Variants in TEK observed in about 807,000 individuals in gnomAD.
The protein encoded by TEK is TEK receptor tyrosine kinase.
A neutral mutation model predicts 131.8 loss-of-function variants in TEK; 43 were observed. The observed-to-expected ratio is 0.33, with a 90% CI of 0.26 to 0.42. TEK has a LOEUF of 0.42. Ranked by LOEUF, TEK falls within the 10% of genes least tolerant of loss-of-function variation. The pLI is 1.00. For missense variants in TEK, 1,162 were observed against 1,384.4 expected, an observed-to-expected ratio of 0.84 and a Z score of 2.55; for synonymous variants, 580 against 491.6, an observed-to-expected ratio of 1.18 and a Z score of -2.38.
chr9:27,217,082 T>G (rs186468605), intron 18 of TEK, among the ~76,000 whole-genome samples: 1 of 152,284 alleles, frequency 6.6e-6, no homozygotes, highest in East Asian at 1.9e-4. Context: ...GGACCAGGCA[T>G]CGAAAGGATC....
At chr9:27,137,985 T>C (rs1038283047) in intron 1 of TEK, among the ~76,000 whole-genome samples, 2 of 152,082 alleles carry the variant, frequency 1.3e-5, no homozygotes, top group Non-Finnish European at 2.9e-5. Flanking sequence ...GGGTTTGTGG[T>C]CTCGCTGACT....
At chr9:27,187,593 T>C (rs1301201376) in intron 9 of TEK, among the ~76,000 whole-genome samples, 1 of 152,216 alleles carries the variant, frequency 6.6e-6, no homozygotes, top group Admixed American at 6.5e-5. Context: ...CAAATTGTAG[T>C]ATATTCATAT....
chr9:27,126,458 C>T (rs1285517812), intron 1 of TEK, among the ~76,000 whole-genome samples: 1 of 152,158 alleles, frequency 6.6e-6, no homozygotes, highest in South Asian at 2.1e-4. Flanking sequence ...TGTGTTTATC[C>T]AGGGACTCTG....
At chr9:27,162,283 C>T (rs1308690524) in intron 2 of TEK, among the ~76,000 whole-genome samples, 1 of 152,200 alleles carries the variant, frequency 6.6e-6, no homozygotes, top group Admixed American at 6.5e-5. Flanking sequence ...GCTGCTGACT[C>T]GTACATCTGT....
At chr9:27,217,060 T>G (rs1235831963) in intron 18 of TEK, among the ~76,000 whole-genome samples, 1 of 152,156 alleles carries the variant, frequency 6.6e-6, no homozygotes, top group African/African-American at 2.4e-5. Flanking sequence ...GGGGAGAGCC[T>G]GGAGGCAGTC....
intron 11 of TEK, among the ~76,000 whole-genome samples, chr9:27,193,584 T>G (rs1824902571): frequency 6.6e-6 from 1 of 152,204 alleles, no homozygotes; most frequent in Non-Finnish European, 1.5e-5. Context: ...TGGAGTGATC[T>G]TTTGTAAGGT....
Position 27,209,124 on chromosome 9 carries a change from A to G in TEK, c.2579A>G (p.Tyr860Cys), listed in dbSNP as rs746347646. 4.3e-6 allele frequency: 7 copies of G among 1,610,614 alleles called. No individual in the cohort carries two copies. In the South Asian group the frequency reaches 4.4e-5, roughly 10 times the overall value. The change falls in exon 16 of 23, where the codon TAT becomes TGT. Residue 860 changes from tyrosine (Y) to cysteine (C), a missense_variant. Tyr to Cys is a radical substitution (Grantham distance 194). Around this residue, in one of 6 missense-constraint regions of TEK, gnomAD observed 57 missense variants for 100.8 expected, o/e 0.57. Transcript: ENST00000380036. ...MDAAIKRMKE[Y>C]ASKDDHRDFA... is the part of the protein sequence containing the mutation. ...CAACCCTTGACTTTCTTCCCAGAAT[A>G]TGCCTCCAAAGATGATCACAGGGAC...
intron 1 of TEK, among the ~76,000 whole-genome samples, chr9:27,128,237 C>T (rs558146194): frequency 1.1e-4 from 17 of 152,244 alleles, no homozygotes; most frequent in African/African-American, 3.9e-4. Context: ...ATAGGGAATC[C>T]TTTCCCCATT....
chr9:27,228,611 C>G (rs1027410400), intron 22 of TEK, among the ~76,000 whole-genome samples: 2 of 152,096 alleles, frequency 1.3e-5, no homozygotes, highest in African/African-American at 4.8e-5. Flanking sequence ...GAAACAGACT[C>G]AGAAGTGGGT....
At chr9:27,158,960 G>T (rs1459596271) in intron 2 of TEK, among the ~76,000 whole-genome samples, 5 of 152,180 alleles carry the variant, frequency 3.3e-5, no homozygotes, top group Non-Finnish European at 7.4e-5. Flanking sequence ...TGCCCGGCCA[G>T]TGTATCAATT....
intron 1 of TEK, among the ~76,000 whole-genome samples, chr9:27,144,631 T>C (rs534674093): frequency 6.6e-6 from 1 of 152,280 alleles, no homozygotes; most frequent in Admixed American, 6.5e-5. Flanking sequence ...CGAGGGAATG[T>C]GATCAGACAA....
intron 2 of TEK, among the ~76,000 whole-genome samples, chr9:27,162,255 A>T (rs1485984024): frequency 6.6e-6 from 1 of 152,244 alleles, no homozygotes; most frequent in Non-Finnish European, 1.5e-5. Flanking sequence ...TAAAATAAAC[A>T]TCAATATATT....
chr9:27,190,736 G>A (rs996873979), intron 10 of TEK, 46 bp downstream of exon 10: 8 of 1,610,630 alleles, frequency 5.0e-6, no homozygotes, highest in Non-Finnish European at 6.8e-6. Context: ...GTGGCACCAG[G>A]AGAATTATTT....
intron 6 of TEK, among the ~76,000 whole-genome samples, chr9:27,174,467 C>A (rs1334966122): frequency 6.6e-6 from 1 of 152,194 alleles, no homozygotes; most frequent in Non-Finnish European, 1.5e-5. Context: ...ATGTTAAAAA[C>A]ATTATCAGTT....
intron 1 of TEK, among the ~76,000 whole-genome samples, chr9:27,139,024 C>T (rs1463693587): frequency 6.6e-6 from 1 of 151,652 alleles, no homozygotes; most frequent in Non-Finnish European, 1.5e-5. Flanking sequence ...CCTGGCTAAC[C>T]TGGTGAAATC....
At chr9:27,210,052 T>C (rs1006700627) in intron 16 of TEK, among the ~76,000 whole-genome samples, 4 of 152,174 alleles carry the variant, frequency 2.6e-5, no homozygotes, top group Non-Finnish European at 4.4e-5. Context: ...ACACCAACAA[T>C]AGAAAAGAGA....
intron 1 of TEK, among the ~76,000 whole-genome samples, chr9:27,144,819 A>G (rs1822855590): frequency 6.6e-6 from 1 of 152,220 alleles, no homozygotes; most frequent in Non-Finnish European, 1.5e-5. Context: ...GAGCTGGAGA[A>G]CTGTGCTTCA....
At chr9:27,146,747 G>T (rs1215686204) in intron 1 of TEK, among the ~76,000 whole-genome samples, 1 of 147,698 alleles carries the variant, frequency 6.8e-6, no homozygotes, top group Non-Finnish European at 1.5e-5. Flanking sequence ...TTTTGGCGGG[G>T]GGGACGGAGT....
chr9:27,192,591 G>C lies in TEK; in HGVS notation c.1592G>C (p.Gly531Ala), dbSNP rs1443704227. 1 of 1,613,700 alleles carries C rather than the reference G, an allele frequency of 6.2e-7. No individual in the cohort carries two copies. The highest frequency in any genetic ancestry group is 8.5e-7 in the Non-Finnish European group (1 of 1,179,932). The change falls in exon 11 of 23, where the codon GGA becomes GCA. Residue 531 changes from glycine to alanine, a missense_variant. Around this residue, in one of 6 missense-constraint regions of TEK, gnomAD observed 477 missense variants for 471.0 expected, o/e 1.01. Coordinates refer to ENST00000380036, the MANE Select transcript of TEK (RefSeq NM_000459.5). ...GGAGAGGGTGGGGAAGGGCATCCTG[G>C]ACCTGTGAGACGCTTCACAACAGCT... ...RRGEGGEGHP[G>A]PVRRFTTASI...
Sources: allele counts gnomAD v4.1 joint callset (sites outside exome capture counted in the v4.1 genomes callset), GRCh38; gene constraint gnomAD v4.1.1; regional missense constraint gnomAD v4.1.1; transcripts MANE v1.5; gene names NCBI Gene and HGNC (gene_info 2026-07-23, HGNC 2026-07-21).